RBM41: variants seen among roughly 807,000 people sequenced by gnomAD.
RBM41 encodes RNA-binding protein 41.
Under a neutral mutation model 30.8 loss-of-function variants are expected in RBM41, and 14 were observed. That is an observed-to-expected ratio of 0.45 (90% CI 0.30 to 0.71). RBM41 has a LOEUF of 0.71. Among genes scored for constraint, RBM41 ranks in the 30% least tolerant of loss-of-function variants. The pLI is 0.08. For synonymous variants in RBM41, 120 were observed against 110.1 expected (o/e 1.09, Z -0.56); for missense variants, 276 against 326.3 (o/e 0.85, Z 1.19).
Position 107,067,144 on chromosome X carries a change from C to T in RBM41, c.*383G>A. On this transcript the variant is annotated 3_prime_UTR_variant, in exon 8 of 8. Transcript: ENST00000685964. ...GGGCTCTAGTAAAGAAATATTTCAACATTTAATTAGTTTTTTATTTCTGTG... is the reference window on the plus strand; with the variant it reads ...GGGCTCTAGTAAAGAAATATTTCAATATTTAATTAGTTTTTTATTTCTGTG... The T allele has an allele frequency of 1.3e-6, 1 of 748,913 alleles. No homozygotes were observed. Among genetic ancestry groups the T allele is most frequent in the African/African-American group, 2.3e-5 (1 of 43,701 alleles). The allele number at this position is 748,913 out of a possible 1,213,427, so 61.7% of individuals were successfully genotyped here. A position where few individuals can be genotyped will look rare whatever the true frequency, so the allele number is the denominator to read the frequency against.
intron 5 of RBM41, among the ~76,000 whole-genome samples, chrX:107,089,109 T>C (rs183165486): frequency 1.0e-3 from 112 of 111,869 alleles, no homozygotes; most frequent in African/African-American, 3.4e-3. Flanking sequence ...TAAAAACATA[T>C]AAGCAATATA....
chrX:107,100,006 A>G (rs752583769), intron 5 of RBM41, among the ~76,000 whole-genome samples: 1 of 111,923 alleles, frequency 8.9e-6, no homozygotes, highest in Non-Finnish European at 1.9e-5. Context: ...ATACACATAC[A>G]CTCATATGGA....
At chrX:107,088,877 C>T (rs1922275601) in intron 5 of RBM41, 38 bp from the exon 6 acceptor site, 1 of 1,153,261 alleles carries the variant, frequency 8.7e-7, no homozygotes, top group African/African-American at 1.8e-5. Flanking sequence ...TTCTACAAAG[C>T]CTACCAATAC....
At chrX:107,103,762 G>T (rs147309097) in intron 5 of RBM41, among the ~76,000 whole-genome samples, 3,969 of 111,531 alleles carry the variant, frequency 0.036, 196 homozygotes, top group African/African-American at 0.12. Context: ...TACAATTCCA[G>T]TTATATGAAG....
chrX:107,052,151 GA>G, the RBM41 span, among the ~76,000 whole-genome samples: 1 of 111,716 alleles, frequency 9.0e-6, no homozygotes, highest in Non-Finnish European at 1.9e-5. Context: ...AGATTTAATA[GA>G]GTGAAAACAG....
chrX:107,096,735 T>C (rs1923013347), intron 5 of RBM41, among the ~76,000 whole-genome samples: 1 of 111,975 alleles, frequency 8.9e-6, no homozygotes, highest in Non-Finnish European at 1.9e-5. Context: ...AAATAATGAA[T>C]TGAACTTCAT....
intron 6 of RBM41, among the ~76,000 whole-genome samples, chrX:107,084,902 T>C (rs1921877735): frequency 8.9e-6 from 1 of 112,483 alleles, no homozygotes; most frequent in African/African-American, 3.2e-5. Flanking sequence ...ACTAGAAATC[T>C]GCAACTAGCT....
Position 107,088,640 on chromosome X carries a change from T to C in RBM41, c.795A>G (p.Lys265=). 1 of 1,211,355 alleles carries C rather than the reference T, an allele frequency of 8.3e-7. No individual in the cohort carries two copies. The highest frequency in any genetic ancestry group is 1.1e-6 in the Non-Finnish European group (1 of 895,332). The part of the protein sequence containing the change: ...ESPSLLQDKG[K]QAAQGKGPSL... Reference sequence around the variant, plus strand: ...TGGGGCCTTTACCCTGTGCTGCCTGTTTTCCCTTGTCCTGGAGTAATGATG... The same window carrying C: ...TGGGGCCTTTACCCTGTGCTGCCTGCTTTCCCTTGTCCTGGAGTAATGATG... Residue 265 remains lysine (K), a synonymous_variant, in exon 6 of 8, where the codon AAA becomes AAG. Transcript: ENST00000685964.
intron 5 of RBM41, among the ~76,000 whole-genome samples, chrX:107,092,455 T>C (rs1922624478): frequency 9.0e-6 from 1 of 111,035 alleles, no homozygotes; most frequent in Non-Finnish European, 1.9e-5. Context: ...CTAATAAATA[T>C]ATGTGGGCCA....
chrX:107,076,435 A>G (rs1262197090), intron 6 of RBM41, among the ~76,000 whole-genome samples: 1 of 111,103 alleles, frequency 9.0e-6, no homozygotes, highest in South Asian at 3.7e-4. Context: ...TGTAACATGA[A>G]TGAAACTCGA....
chrX:107,110,271 A>G (rs1192509407), intron 5 of RBM41, among the ~76,000 whole-genome samples: 1 of 111,627 alleles, frequency 9.0e-6, no homozygotes, highest in East Asian at 2.8e-4. Context: ...AACATAGGAA[A>G]ATATCTTTTT....
At chrX:107,099,483 A>G (rs1320816463) in intron 5 of RBM41, among the ~76,000 whole-genome samples, 1 of 112,237 alleles carries the variant, frequency 8.9e-6, no homozygotes, top group African/African-American at 3.2e-5. Flanking sequence ...AAACAGACGG[A>G]AAGACATTCA....
chrX:107,115,606 A>G (rs1354623895), intron 3 of RBM41, 50 bp from the exon 4 acceptor site: 1 of 1,064,920 alleles, frequency 9.4e-7, no homozygotes, highest in African/African-American at 1.8e-5. Flanking sequence ...CACAACCTGA[A>G]CATGATGATC....
the RBM41 span, among the ~76,000 whole-genome samples, chrX:107,055,026 T>C: frequency 1.8e-5 from 2 of 112,288 alleles, no homozygotes; most frequent in Non-Finnish European, 3.8e-5. Context: ...CCCCAACCCC[T>C]GGAAACCACT....
At chrX:107,110,103 C>CA (rs1247662891) in intron 5 of RBM41, among the ~76,000 whole-genome samples, 2 of 109,588 alleles carry the variant, frequency 1.8e-5, no homozygotes, top group Non-Finnish European at 1.9e-5. Flanking sequence ...AAAGGATACT[C>CA]TTTTAACAGT....
At chrX:107,105,563 C>A (rs1923891170) in intron 5 of RBM41, among the ~76,000 whole-genome samples, 1 of 110,888 alleles carries the variant, frequency 9.0e-6, no homozygotes, top group South Asian at 3.9e-4. Context: ...ATTGCCAAGT[C>A]AATCCTAAGC....
intron 5 of RBM41, among the ~76,000 whole-genome samples, chrX:107,103,154 A>G (rs768641992): frequency 1.2e-4 from 13 of 111,276 alleles, no homozygotes; most frequent in African/African-American, 4.2e-4. Flanking sequence ...ATAGATGTGA[A>G]TTTTTGGCAC....
chrX:107,105,274 T>A (rs2147711418), intron 5 of RBM41, among the ~76,000 whole-genome samples: 1 of 108,569 alleles, frequency 9.2e-6, no homozygotes, highest in South Asian at 4.1e-4. Context: ...CACAATTGCT[T>A]CAAAGAGAAT....
intron 6 of RBM41, 164 bp from the exon 7 acceptor site, chrX:107,069,566 T>C (rs1224422759): frequency 2.2e-6 from 1 of 457,891 alleles, no homozygotes. Context: ...GTGATTCTCA[T>C]GCCTCAGCCT....
Sources: gnomAD v4.1 joint callset for allele counts (sites outside exome capture counted in the v4.1 genomes callset) on GRCh38, gnomAD v4.1.1 for gene constraint, MANE v1.5 for transcripts, NCBI Gene and HGNC (gene_info 2026-07-23, HGNC 2026-07-21) for gene names.